Variants in ATAD3B observed in about 807,000 individuals in gnomAD.
ATAD3B encodes the protein ATPase family AAA domain-containing protein 3B.
ATAD3B carries 59 observed loss-of-function variants against 70.2 expected under a neutral mutation model. The ratio of observed to expected loss-of-function variants is 0.84; its 90% CI spans 0.68 to 1.04. The LOEUF is 1.04. ATAD3B is among the 50% of genes least tolerant of loss of function. The pLI is 0.00. For missense variants in ATAD3B, 961 were observed against 913.4 expected, an observed-to-expected ratio of 1.05 and a Z score of -0.67; for synonymous variants, 423 against 388.6, an observed-to-expected ratio of 1.09 and a Z score of -1.04.
rs112490584 is a variant in ATAD3B, at chr1:1,485,808, C to A, written c.933C>A (p.Pro311=). 2.0e-3 allele frequency: 3,154 copies of A among 1,612,984 alleles called. 93 individuals are homozygous for A. The African/African-American group carries it at 0.038, about 19-fold the overall frequency. Residue 311 remains proline (P), a synonymous_variant, in exon 9 of 16, where the codon CCC becomes CCA. Coordinates refer to ENST00000673477, the MANE Select transcript of ATAD3B (RefSeq NM_031921.6). ...IQVSRRLLSR[P]QDVLEGVVLS... ...TCAGCCGGCGGCTCCTCAGTCGACC[C>A]CAGGACGTGCTGGAGGGTGTTGTGC...
chr1:1,489,861 C>T, intron 13 of ATAD3B: 1 of 1,219,144 alleles, frequency 8.2e-7, no homozygotes, highest in Non-Finnish European at 1.0e-6. Context: ...TCTGCTGAAC[C>T]CGGGCCCCCG....
At chr1:1,485,450 C>CG (rs1557805861) in intron 8 of ATAD3B, among the ~76,000 whole-genome samples, 1 of 152,034 alleles carries the variant, frequency 6.6e-6, no homozygotes, top group Non-Finnish European at 1.5e-5. Flanking sequence ...CTTGGGTGTG[C>CG]GGCCGTCTGT....
chr1:1,487,794 C>A (rs375185569), intron 11 of ATAD3B, 69 bp from the exon 12 acceptor site: 2 of 1,581,242 alleles, frequency 1.3e-6, no homozygotes, highest in Non-Finnish European at 1.7e-6. Context: ...GCTCCTGCCG[C>A]GGCCGGACGC....
At position 1,495,672 on chromosome 1, in the gene ATAD3B, AC is replaced by A. The variant is rs747278192; in HGVS notation, c.1806del (p.Ser603ProfsTer117). The A allele has an allele frequency of 2.8e-5, 45 of 1,612,444 alleles. No homozygotes were observed. The highest frequency in any genetic ancestry group is 3.7e-5 in the Non-Finnish European group (44 of 1,179,182). On this transcript the variant is annotated frameshift_variant, in exon 16 of 16. Coordinates refer to ENST00000673477, the MANE Select transcript of ATAD3B (RefSeq NM_031921.6). LOFTEE classifies it low-confidence loss of function (END_TRUNC). Reference protein sequence around the residue: ...ETLTSWSLATDPSYPCLAGPC... With the variant: ...ETLTSWSLATXPSYPCLAGPC... ...CTCACCTCATGGAGCCTGGCCACGG[AC>A]CCCTCCTACCCCTGCCTTGCCGGCC... is the stretch of plus-strand genomic sequence containing the variant.
chr1:1,504,668 G>A, the ATAD3B span, among the ~76,000 whole-genome samples: 3 of 119,566 alleles, frequency 2.5e-5, no homozygotes, highest in East Asian at 4.5e-4. Flanking sequence ...AAAAAAAAAA[G>A]AGAGAACAGG....
intron 2 of ATAD3B, 24 bp downstream of exon 2, chr1:1,477,374 G>A: frequency 1.2e-6 from 2 of 1,611,802 alleles, no homozygotes; most frequent in Non-Finnish European, 1.7e-6. Context: ...GTGTGGGCGA[G>A]GAGGCCGGGG....
At chr1:1,474,654 C>G (rs1639503116) in intron 1 of ATAD3B, among the ~76,000 whole-genome samples, 1 of 152,014 alleles carries the variant, frequency 6.6e-6, no homozygotes, top group African/African-American at 2.4e-5. Context: ...CGCCCGCCAG[C>G]ACACCTGGCT....
downstream of ATAD3B, among the ~76,000 whole-genome samples, chr1:1,502,397 G>A (rs1186633343): frequency 1.3e-5 from 2 of 148,604 alleles, no homozygotes; most frequent in Non-Finnish European, 3.0e-5. Flanking sequence ...TGTATTTTTA[G>A]TAGGGACGGG....
chr1:1,496,003 T>G lies in ATAD3B; in HGVS notation c.*186T>G, dbSNP rs373416279. 4 of 1,348,030 alleles carry G rather than the reference T, an allele frequency of 3.0e-6. No individual in the cohort carries two copies. The African/African-American group carries it at 4.4e-5, about 15-fold the overall frequency. The allele number at this position is 1,348,030 out of a possible 1,614,324, so 83.5% of individuals were successfully genotyped here. On this transcript the variant is annotated 3_prime_UTR_variant, in exon 16 of 16. Transcript: ENST00000673477. ...AGTGGGGCAGGCGGGGTCTTTGTTC[T>G]CGGCTCCCACAGCAGAGCCAGGTGA...
chr1:1,490,166 A>G (rs2100590026), intron 13 of ATAD3B, 91 bp from the exon 14 acceptor site: 1 of 1,531,164 alleles, frequency 6.5e-7, no homozygotes, highest in Non-Finnish European at 8.8e-7. Flanking sequence ...TCTCCCAAAA[A>G]GTCTCCCCGA....
Position 1,485,786 on chromosome 1 carries a change from G to T in ATAD3B, c.911G>T (p.Ser304Ile). The T allele has an allele frequency of 6.2e-7, 1 of 1,613,050 alleles. No individual in the cohort carries two copies. The highest frequency in any genetic ancestry group is 8.5e-7 in the Non-Finnish European group (1 of 1,179,436). Residue 304 changes from serine (S) to isoleucine (I), a missense_variant, in exon 9 of 16, where the codon AGC (serine) becomes ATC (isoleucine). By Grantham distance (142) the Ser-to-Ile change is moderately radical (BLOSUM62 -2). Transcript: ENST00000673477. ...LEALRHPIQVSRRLLSRPQDV... is the reference protein window; with the variant it reads ...LEALRHPIQVIRRLLSRPQDV... ...CTTCCCCTTCCCCTCCGGCAGGTCA[G>T]CCGGCGGCTCCTCAGTCGACCCCAG... is the stretch of plus-strand genomic sequence containing the variant.
the ATAD3B span, among the ~76,000 whole-genome samples, chr1:1,505,175 G>A: frequency 9.9e-4 from 150 of 152,182 alleles, 1 homozygote; most frequent in East Asian, 0.027. Context: ...AGGAGTGTGA[G>A]CCATCTCCAG....
intron 1 of ATAD3B, among the ~76,000 whole-genome samples, chr1:1,476,381 G>C (rs542083089): frequency 1.3e-5 from 2 of 150,956 alleles, no homozygotes; most frequent in Admixed American, 6.6e-5. Context: ...AGTTAGTGAC[G>C]TGTTTGCTGC....
rs1303729359 is a variant in ATAD3B, at chr1:1,480,773, T to C, written c.445-94T>C. 9 of 1,566,262 alleles carry C rather than the reference T, an allele frequency of 5.7e-6. 1 individual carries two copies. Among genetic ancestry groups the C allele is most frequent in the South Asian group, 2.3e-5 (2 of 87,336 alleles). ...CCCCAGGTGCCCAGGACGCTTGGAG[T>C]TCTGTGGTCCTGGGGCGGACGCAAC... On this transcript the variant is annotated intron_variant, in intron 4 of 15. Transcript: ENST00000673477.
chr1:1,503,399 C>T, the ATAD3B span: 1 of 632,162 alleles, frequency 1.6e-6, no homozygotes, highest in Non-Finnish European at 2.8e-6. Flanking sequence ...ATGCATCAGG[C>T]CGTGTGCTGG....
chr1:1,507,544 G>T, the ATAD3B span, among the ~76,000 whole-genome samples: 3 of 152,130 alleles, frequency 2.0e-5, no homozygotes, highest in East Asian at 5.8e-4. Context: ...AATAAATCCT[G>T]CTTGGTCAGG....
At position 1,487,158 on chromosome 1, in the gene ATAD3B, G is replaced by A. The variant is rs1640262579; in HGVS notation, c.1214+490G>A. On this transcript the variant is annotated intron_variant, in intron 11 of 15. Coordinates refer to ENST00000673477, the MANE Select transcript of ATAD3B (RefSeq NM_031921.6). ...CGTTGGAACCACGATCCTCATGGTT[G>A]GCACCCTCCCCTCTGGCCTTTGACC... 4.6e-5 allele frequency among the ~76,000 whole-genome samples: 7 copies of A among 152,218 alleles called. No individual in the cohort carries two copies. The South Asian group carries it at 1.5e-3, about 32-fold the overall frequency.
In ATAD3B at chr1:1,490,523, C is replaced by G. The variant is rs765195340; in HGVS notation, c.1506-40C>G. The G allele has an allele frequency of 5.0e-6, 8 of 1,610,628 alleles. No homozygotes were observed. The African/African-American group carries it at 9.3e-5, about 19-fold the overall frequency. On this transcript the variant is annotated intron_variant, in intron 14 of 15. Coordinates refer to ENST00000673477, the MANE Select transcript of ATAD3B (RefSeq NM_031921.6). The stretch of plus-strand genomic sequence containing the variant: ...CGGCCTCCACCTCATGGTGTGGGGT[C>G]CGCGGCCTTGGCTGCCTCACTTGGG...
intron 15 of ATAD3B, 110 bp from the exon 16 acceptor site, chr1:1,495,375 G>C (rs968653025): frequency 7.1e-7 from 1 of 1,411,038 alleles, no homozygotes; most frequent in Admixed American, 2.4e-5. Context: ...TTCACCCTGA[G>C]GTTGTCCTGG....
Sources: gnomAD v4.1 joint callset for allele counts (sites outside exome capture counted in the v4.1 genomes callset) on GRCh38, gnomAD v4.1.1 for gene constraint, MANE v1.5 for transcripts, NCBI Gene and HGNC (gene_info 2026-07-23, HGNC 2026-07-21) for gene names.